The following COL19A1 variants were observed in gnomAD, a reference collection of about 807,000 sequenced individuals.
COL19A1 encodes the protein collagen alpha-1(XIX) chain.
A neutral mutation model predicts 190.2 loss-of-function variants in COL19A1; 159 were observed. That is an observed-to-expected ratio of 0.84 (90% CI 0.73 to 0.95). COL19A1 has a LOEUF of 0.95. Among genes scored for constraint, COL19A1 ranks in the 40% least tolerant of loss-of-function variants. The pLI is 0.00. For missense variants in COL19A1, 1,418 were observed against 1,431.9 expected (o/e 0.99, Z 0.16); for synonymous variants, 509 against 458.9 (o/e 1.11, Z -1.39).
chr6:70,183,765 C>T (rs1766328499), intron 44 of COL19A1, among the ~76,000 whole-genome samples: 1 of 152,208 alleles, frequency 6.6e-6, no homozygotes, highest in Non-Finnish European at 1.5e-5. Flanking sequence ...CAGTTCTTTG[C>T]AGTTCCATCC....
At chr6:70,035,323 A>G (rs1192976973) in intron 13 of COL19A1, among the ~76,000 whole-genome samples, 1 of 152,216 alleles carries the variant, frequency 6.6e-6, no homozygotes, top group African/African-American at 2.4e-5. Flanking sequence ...TAGTTTGTTG[A>G]TATATCCACC....
At chr6:70,143,544 T>C (rs1319715770) in intron 23 of COL19A1, among the ~76,000 whole-genome samples, 4 of 152,068 alleles carry the variant, frequency 2.6e-5, no homozygotes, top group African/African-American at 9.7e-5. Flanking sequence ...GGATCTCTCC[T>C]TTTTTCATGC....
Position 70,040,931 on chromosome 6 carries a change from T to C in COL19A1, c.1170+4992T>C, listed in dbSNP as rs557874710. On this transcript the variant is annotated intron_variant, in intron 14 of 50. Transcript: ENST00000620364. Reference sequence around the variant, plus strand: ...AAAGATATTGAAATTCAAGAACAAATTTGTGAATCTGTAAGTGGAACATCT... The same window carrying C: ...AAAGATATTGAAATTCAAGAACAAACTTGTGAATCTGTAAGTGGAACATCT... 2.6e-5 allele frequency among the ~76,000 whole-genome samples: 4 copies of C among 152,294 alleles called. No homozygotes were observed. In the South Asian group the frequency reaches 8.3e-4, roughly 32 times the overall value.
At chr6:70,043,855 G>A (rs1318569081) in intron 14 of COL19A1, among the ~76,000 whole-genome samples, 1 of 152,118 alleles carries the variant, frequency 6.6e-6, no homozygotes, top group Non-Finnish European at 1.5e-5. Flanking sequence ...GTCACAAACT[G>A]TATTATCCCC....
intron 48 of COL19A1, among the ~76,000 whole-genome samples, chr6:70,196,551 A>G (rs1767207685): frequency 6.6e-6 from 1 of 152,234 alleles, no homozygotes; most frequent in African/African-American, 2.4e-5. Context: ...CATGGGCCAG[A>G]TGACATGTGT....
chr6:70,020,838 A>T (rs1439215319), intron 11 of COL19A1, among the ~76,000 whole-genome samples: 1 of 152,154 alleles, frequency 6.6e-6, no homozygotes, highest in Non-Finnish European at 1.5e-5. Context: ...AGATGGATGG[A>T]TGCATAGTTG....
intron 15 of COL19A1, among the ~76,000 whole-genome samples, chr6:70,073,280 G>A (rs561125795): frequency 2.6e-5 from 4 of 152,070 alleles, no homozygotes; most frequent in South Asian, 4.2e-4. Flanking sequence ...GAGCCACAGC[G>A]CCTGGCCCAG....
chr6:70,137,622 T>G, intron 18 of COL19A1, 63 bp from the exon 19 acceptor site: 1 of 1,446,966 alleles, frequency 6.9e-7, no homozygotes, highest in East Asian at 2.3e-5. Flanking sequence ...ATTCTGTATC[T>G]GACAGTCACA....
At chr6:69,958,020 T>G (rs941146447) in intron 9 of COL19A1, among the ~76,000 whole-genome samples, 1 of 152,190 alleles carries the variant, frequency 6.6e-6, no homozygotes, top group Admixed American at 6.6e-5. Context: ...GAAAACACAG[T>G]GTTTTAATTA....
chr6:70,099,366 G>A (rs1783486215), intron 15 of COL19A1, among the ~76,000 whole-genome samples: 1 of 152,116 alleles, frequency 6.6e-6, no homozygotes, highest in Non-Finnish European at 1.5e-5. Context: ...GACCTCACAT[G>A]ACAGGTTGCA....
intron 15 of COL19A1, among the ~76,000 whole-genome samples, chr6:70,098,230 G>A (rs1783405334): frequency 1.3e-5 from 2 of 152,080 alleles, no homozygotes; most frequent in Non-Finnish European, 2.9e-5. Flanking sequence ...TCCTAGGAAG[G>A]GAGTTGTGGT....
At position 69,997,026 on chromosome 6, in the gene COL19A1, T is replaced by TATATAG. The variant is rs576813975; in HGVS notation, c.1027-26600_1027-26599insTATAGA. ...GTGTTTATATATACATATATATATA[T>TATATAG]AGAGAGAGAGAGAGAGAGAGAGAAA... On this transcript the variant is annotated intron_variant, in intron 11 of 50. Transcript: ENST00000620364. 5.3e-4 allele frequency among the ~76,000 whole-genome samples: 78 copies of TATATAG among 146,974 alleles called. 1 individual carries two copies. In the East Asian group the frequency reaches 0.011, roughly 20 times the overall value.
Position 70,063,189 on chromosome 6 carries a change from C to G in COL19A1, c.1171-5234C>G, listed in dbSNP as rs374065838. ...TCAACAGAATATACATTTTTTTCAG[C>G]ACCACACTGCACCTATTCCAAAATT... is the stretch of plus-strand genomic sequence containing the variant. On this transcript the variant is annotated intron_variant, in intron 14 of 50. Transcript: ENST00000620364. 1.3e-4 allele frequency among the ~76,000 whole-genome samples: 20 copies of G among 152,214 alleles called. 1 individual carries two copies. The East Asian group carries it at 1.7e-3, about 13-fold the overall frequency.
In COL19A1 at chr6:70,045,312, CAAA is replaced by C. The variant is rs34047162; in HGVS notation, c.1170+9394_1170+9396del. 4.9e-4 allele frequency among the ~76,000 whole-genome samples: 34 copies of C among 68,908 alleles called. No homozygotes were observed. In the East Asian group the frequency reaches 5.8e-3, roughly 12 times the overall value. The allele number at this position is 68,908 out of a possible 152,430, so 45.2% of individuals were successfully genotyped here. A position where few individuals can be genotyped will look rare whatever the true frequency, so the allele number is the denominator to read the frequency against. Reference sequence around the variant, plus strand: ...GGGCAACAAGAGCGAGACTCTGTCTCAAAAAAAAAAAAAAAAAAAAAAACTTTC... The same window carrying C: ...GGGCAACAAGAGCGAGACTCTGTCTCAAAAAAAAAAAAAAAAAAAACTTTC... On this transcript the variant is annotated intron_variant, in intron 14 of 50. Coordinates refer to ENST00000620364, the MANE Select transcript of COL19A1 (RefSeq NM_001858.6).
chr6:69,967,688 A>G (rs781233123), intron 11 of COL19A1, among the ~76,000 whole-genome samples: 7 of 152,156 alleles, frequency 4.6e-5, no homozygotes, highest in African/African-American at 1.4e-4. Context: ...AATATAATCT[A>G]GGTCCTAAAA....
At chr6:70,157,378 C>T (rs1407437585) in intron 34 of COL19A1, among the ~76,000 whole-genome samples, 1 of 152,124 alleles carries the variant, frequency 6.6e-6, no homozygotes, top group Non-Finnish European at 1.5e-5. Flanking sequence ...ACATAATTCA[C>T]ATTAACTCTT....
chr6:70,139,577 T>A (rs1451398116), intron 19 of COL19A1, among the ~76,000 whole-genome samples: 1 of 152,070 alleles, frequency 6.6e-6, no homozygotes, highest in East Asian at 1.9e-4. Context: ...TTTAGCTTTT[T>A]ATGGTCTCAA....
intron 9 of COL19A1, among the ~76,000 whole-genome samples, chr6:69,957,406 G>A (rs1161165931): frequency 2.6e-5 from 4 of 152,102 alleles, no homozygotes; most frequent in Non-Finnish European, 4.4e-5. Flanking sequence ...GACATGCTAT[G>A]TGTTATAGTA....
intron 4 of COL19A1, among the ~76,000 whole-genome samples, chr6:69,923,833 G>A (rs978164151): frequency 6.6e-6 from 1 of 152,140 alleles, no homozygotes; most frequent in African/African-American, 2.4e-5. Context: ...GAACATTTAA[G>A]GTATTTTCTG....
Sources: gnomAD v4.1 joint callset for allele counts (sites outside exome capture counted in the v4.1 genomes callset) on GRCh38, gnomAD v4.1.1 for gene constraint, MANE v1.5 for transcripts, NCBI Gene and HGNC (gene_info 2026-07-23, HGNC 2026-07-21) for gene names.